Variants in TNIK observed in about 807,000 individuals in gnomAD.
TNIK encodes the protein TRAF2 and NCK interacting kinase, also known as TRAF2 and NCK-interacting protein kinase.
Under a neutral mutation model 191.3 loss-of-function variants are expected in TNIK, and 49 were observed. The observed-to-expected ratio is 0.26, with a 90% CI of 0.20 to 0.32. The LOEUF is 0.32. TNIK is among the 10% of genes least tolerant of loss of function. The pLI, the probability that TNIK is intolerant of heterozygous loss-of-function variation, is 1.00. For missense variants in TNIK, 1,155 were observed against 1,702.3 expected, an observed-to-expected ratio of 0.68 and a Z score of 5.66; for synonymous variants, 594 against 600.9, an observed-to-expected ratio of 0.99 and a Z score of 0.17.
At chr3:171,196,912 G>A (rs143619426) in intron 4 of TNIK, among the ~76,000 whole-genome samples, 6,463 of 136,902 alleles carry the variant, frequency 0.047, 195 homozygotes, top group Non-Finnish European at 0.072. Context: ...CCGCCATCAC[G>A]CCCGGCTAAT....
At chr3:171,312,333 T>A (rs935726281) in intron 2 of TNIK, among the ~76,000 whole-genome samples, 45 of 152,126 alleles carry the variant, frequency 3.0e-4, no homozygotes, top group African/African-American at 1.1e-3. Flanking sequence ...ATTATTTTTA[T>A]ATGAAAATAG....
chr3:171,255,616 T>C (rs1746757565), intron 2 of TNIK, among the ~76,000 whole-genome samples: 1 of 152,232 alleles, frequency 6.6e-6, no homozygotes, highest in African/African-American at 2.4e-5. Flanking sequence ...TACAAAGTTG[T>C]CTGATTAGTC....
chr3:171,228,933 C>T (rs1006376167), intron 2 of TNIK, among the ~76,000 whole-genome samples: 2 of 152,202 alleles, frequency 1.3e-5, no homozygotes, highest in Non-Finnish European at 2.9e-5. Context: ...ATGTGACTCT[C>T]AGACAACAGC....
intron 18 of TNIK, among the ~76,000 whole-genome samples, chr3:171,121,882 A>G (rs1727797642): frequency 6.6e-6 from 1 of 151,708 alleles, no homozygotes; most frequent in South Asian, 2.1e-4. Context: ...AGGCTTCTTC[A>G]CCCCCCACCC....
intron 3 of TNIK, among the ~76,000 whole-genome samples, chr3:171,221,127 A>C (rs1456061996): frequency 6.6e-6 from 1 of 152,210 alleles, no homozygotes; most frequent in Non-Finnish European, 1.5e-5. Flanking sequence ...GAAGCACTGA[A>C]AATAGCCCCA....
Position 171,059,798 on chromosome 3 carries a change from G to A in TNIK, c.*4083C>T, listed in dbSNP as rs1055921392. 3.9e-5 allele frequency among the ~76,000 whole-genome samples: 6 copies of A among 152,086 alleles called. No individual in the cohort carries two copies. Among genetic ancestry groups the A allele is most frequent in the Admixed American group, 2.6e-4 (4 of 15,264 alleles). ...CTCAGGGGAGGTCAGTTTTTGGTTGGTTGGTTATGTTTTGCTTGATTTGGT... is the reference window on the plus strand; with the variant it reads ...CTCAGGGGAGGTCAGTTTTTGGTTGATTGGTTATGTTTTGCTTGATTTGGT... On this transcript the variant is annotated 3_prime_UTR_variant, in exon 33 of 33. Coordinates refer to ENST00000436636, the MANE Select transcript of TNIK (RefSeq NM_015028.4).
chr3:171,145,080 ATCTC>A (rs149632182), intron 12 of TNIK, among the ~76,000 whole-genome samples: 4 of 126,176 alleles, frequency 3.2e-5, no homozygotes, highest in Admixed American at 2.4e-4. Context: ...GAGCACAGCT[ATCTC>A]TCTCTTTTTT....
chr3:171,221,722 C>A (rs1742364189), intron 3 of TNIK, among the ~76,000 whole-genome samples: 1 of 152,114 alleles, frequency 6.6e-6, no homozygotes, highest in East Asian at 1.9e-4. Flanking sequence ...GCTTCACTTT[C>A]TTTCCTGGAT....
chr3:171,453,956 T>G (rs954645432), intron 1 of TNIK, among the ~76,000 whole-genome samples: 1 of 152,190 alleles, frequency 6.6e-6, no homozygotes, highest in Non-Finnish European at 1.5e-5. Context: ...CATTTTCTAC[T>G]TAAGTCCTCC....
chr3:171,219,687 A>G (rs1032891497), intron 3 of TNIK, among the ~76,000 whole-genome samples: 1 of 152,180 alleles, frequency 6.6e-6, no homozygotes, highest in Non-Finnish European at 1.5e-5. Context: ...CAAAACCACA[A>G]TGAGATACCA....
chr3:171,128,012 A>G (rs867137737), intron 16 of TNIK, among the ~76,000 whole-genome samples: 7 of 152,190 alleles, frequency 4.6e-5, no homozygotes, highest in Non-Finnish European at 8.8e-5. Flanking sequence ...AGTCCTGCAG[A>G]ACTTCCAGAA....
intron 2 of TNIK, among the ~76,000 whole-genome samples, chr3:171,311,602 G>A (rs927245348): frequency 4.6e-5 from 7 of 152,142 alleles, no homozygotes; most frequent in African/African-American, 9.7e-5. Context: ...TCTACATTGG[G>A]TTGCCACCTG....
chr3:171,424,276 A>C (rs924823721), intron 1 of TNIK, among the ~76,000 whole-genome samples: 3 of 152,182 alleles, frequency 2.0e-5, no homozygotes, highest in South Asian at 2.1e-4. Flanking sequence ...ATCAAAACCA[A>C]AATGAGATAC....
chr3:171,320,012 A>G (rs574690359), intron 2 of TNIK, among the ~76,000 whole-genome samples: 46 of 152,166 alleles, frequency 3.0e-4, no homozygotes, highest in African/African-American at 1.1e-3. Context: ...AGGAGAGGAG[A>G]GTTTAATCTG....
chr3:171,097,660 C>A (rs1160494845), intron 22 of TNIK, among the ~76,000 whole-genome samples: 2 of 152,230 alleles, frequency 1.3e-5, no homozygotes. Flanking sequence ...GCTCCTCATT[C>A]ACCTTCCACC....
At chr3:171,079,401 T>C (rs1165637273) in intron 28 of TNIK, 117 bp downstream of exon 28, 1 of 1,211,834 alleles carries the variant, frequency 8.3e-7, no homozygotes, top group East Asian at 2.5e-5. Context: ...TCCAGCAACA[T>C]CTGAAGCTGG....
At chr3:171,098,285 T>C (rs1312449322) in intron 22 of TNIK, among the ~76,000 whole-genome samples, 1 of 151,606 alleles carries the variant, frequency 6.6e-6, no homozygotes, top group African/African-American at 2.4e-5. Flanking sequence ...TTCTTTTTAT[T>C]CTATAAAGCT....
At chr3:171,100,587 A>T (rs544714508) in intron 22 of TNIK, among the ~76,000 whole-genome samples, 1 of 152,176 alleles carries the variant, frequency 6.6e-6, no homozygotes, top group African/African-American at 2.4e-5. Context: ...AAGATGGAAA[A>T]ATTAGCATCT....
chr3:171,215,459 T>C (rs1471415030), intron 3 of TNIK, among the ~76,000 whole-genome samples: 1 of 152,170 alleles, frequency 6.6e-6, no homozygotes, highest in East Asian at 1.9e-4. Flanking sequence ...TTAAGTAACT[T>C]TCCCAAGTTC....
Sources: allele counts gnomAD v4.1 joint callset (sites outside exome capture counted in the v4.1 genomes callset), GRCh38; gene constraint gnomAD v4.1.1; transcripts MANE v1.5; gene names NCBI Gene and HGNC (gene_info 2026-07-23, HGNC 2026-07-21).